The following SMIM20 variants were observed in gnomAD, a reference collection of about 807,000 sequenced individuals.
The protein encoded by SMIM20 is mitochondrial translation regulation assembly intermediate of cytochrome c oxidase protein of 7 kDa.
SMIM20 carries 3 observed loss-of-function variants against 8.7 expected under a neutral mutation model. The ratio of observed to expected loss-of-function variants is 0.34; its 90% CI spans 0.16 to 0.89. The LOEUF is 0.89. Among genes scored for constraint, SMIM20 ranks in the 40% least tolerant of loss-of-function variants. The pLI is 0.49. For synonymous variants in SMIM20, 44 were observed against 33.6 expected (o/e 1.31, Z -1.07); for missense variants, 85 against 84.8 (o/e 1.00, Z -0.01).
At position 25,915,854 on chromosome 4, in the gene SMIM20, T is replaced by TGG. The variant is rs1267183562; in HGVS notation, c.109+1435_109+1436dup. On this transcript the variant is annotated intron_variant, in intron 1 of 2. Transcript: ENST00000506197. ...CATTTTTGCTTGTCACAACTTGGGATGGGGCGGGGGGGGGGTCGAGTGTTG... is the reference window on the plus strand; with the variant it reads ...CATTTTTGCTTGTCACAACTTGGGATGGGGGGCGGGGGGGGGGTCGAGTGTTG... Among the ~76,000 whole-genome samples the TGG allele has an allele frequency of 9.5e-4, 18 of 18,938 alleles. 1 individual carries two copies. Among genetic ancestry groups the TGG allele is most frequent in the East Asian group, 5.0e-3 (2 of 398 alleles). The allele number at this position is 18,938 out of a possible 152,430, so 12.4% of individuals were successfully genotyped here.
chr4:25,914,954 A>G (rs1218919420), intron 1 of SMIM20, among the ~76,000 whole-genome samples: 2 of 152,136 alleles, frequency 1.3e-5, no homozygotes, highest in East Asian at 3.9e-4. Context: ...GCCTCCTCCA[A>G]GCACCCAGGC....
chr4:25,921,396 A>G (rs992344320), intron 1 of SMIM20, among the ~76,000 whole-genome samples: 6 of 152,198 alleles, frequency 3.9e-5, no homozygotes, highest in Non-Finnish European at 7.3e-5. Flanking sequence ...AGTAAACTCT[A>G]CAGGGGTCTG....
rs1223288586 is a variant in SMIM20, at chr4:25,914,273, C to T, written c.-41C>T. The T allele has an allele frequency of 3.3e-6, 5 of 1,530,308 alleles. No individual in the cohort carries two copies. Among genetic ancestry groups the T allele is most frequent in the Non-Finnish European group, 4.4e-6 (5 of 1,133,948 alleles). 94.8% of individuals were successfully genotyped at this position (1,530,308 alleles called of 1,614,324 possible). A position where few individuals can be genotyped will look rare whatever the true frequency, so the allele number is the denominator to read the frequency against. On this transcript the variant is annotated 5_prime_UTR_variant, in exon 1 of 3. Transcript: ENST00000506197. ...GTCGGTAACCTGGTTTCCGAGAGTGCCGGGCGGTCGGCGGGTCAGGGCAGC... is the reference window on the plus strand; with the variant it reads ...GTCGGTAACCTGGTTTCCGAGAGTGTCGGGCGGTCGGCGGGTCAGGGCAGC...
At chr4:25,917,765 G>A (rs1257497382) in intron 1 of SMIM20, among the ~76,000 whole-genome samples, 1 of 152,050 alleles carries the variant, frequency 6.6e-6, no homozygotes, top group African/African-American at 2.4e-5. Context: ...TGCTTCCATT[G>A]TGTCCCACCT....
Position 25,928,267 on chromosome 4 carries a change from T to TC in SMIM20, c.110-42dup, listed in dbSNP as rs779984907. 45 of 1,534,400 alleles carry TC rather than the reference T, an allele frequency of 2.9e-5. No homozygotes were observed. The African/African-American group carries it at 6.0e-4, about 20-fold the overall frequency. On this transcript the variant is annotated intron_variant, in intron 1 of 2. Coordinates refer to ENST00000506197, the MANE Select transcript of SMIM20 (RefSeq NM_001145432.3). ...CCATGTAAATACAAATATTTCTCTC[T>TC]CCCCGCCCCCCTTCTAAAGAATGAT...
chr4:25,919,376 T>C (rs1719157105), intron 1 of SMIM20, among the ~76,000 whole-genome samples: 1 of 152,038 alleles, frequency 6.6e-6, no homozygotes. Flanking sequence ...TCTTGCTCTG[T>C]CACCAGATTG....
intron 2 of SMIM20, among the ~76,000 whole-genome samples, chr4:25,928,585 G>T (rs1577363054): frequency 1.3e-5 from 2 of 152,330 alleles, no homozygotes; most frequent in East Asian, 3.9e-4. Flanking sequence ...TTGCACGTTT[G>T]CCAGGTTCCT....
chr4:25,925,775 T>C (rs1409344107), intron 1 of SMIM20, among the ~76,000 whole-genome samples: 1 of 152,216 alleles, frequency 6.6e-6, no homozygotes. Flanking sequence ...TATTTTCCGG[T>C]GTGGACATTT....
At chr4:25,915,689 G>A (rs559771639) in intron 1 of SMIM20, among the ~76,000 whole-genome samples, 1 of 152,248 alleles carries the variant, frequency 6.6e-6, no homozygotes, top group Admixed American at 6.5e-5. Flanking sequence ...GCCTGCCCCA[G>A]CGATTATATT....
chr4:25,925,207 A>C (rs1719267341), intron 1 of SMIM20, among the ~76,000 whole-genome samples: 1 of 152,178 alleles, frequency 6.6e-6, no homozygotes, highest in African/African-American at 2.4e-5. Context: ...TCACAATTCA[A>C]GTTGTGAGTT....
intron 1 of SMIM20, 127 bp downstream of exon 1, chr4:25,914,549 GC>G: frequency 1.1e-6 from 1 of 884,968 alleles, no homozygotes; most frequent in Non-Finnish European, 1.6e-6. Flanking sequence ...TTCGAATCCT[GC>G]CATGTGCAGC....
Position 25,914,351 on chromosome 4 carries a change from G to C in SMIM20, c.38G>C (p.Gly13Ala). 6.4e-7 allele frequency: 1 copy of C among 1,550,552 alleles called. No individual in the cohort carries two copies. Among genetic ancestry groups the C allele is most frequent in the Non-Finnish European group, 8.7e-7 (1 of 1,146,268 alleles). Residue 13 changes from glycine to alanine, a missense_variant, in exon 1 of 3, where the codon GGC becomes GCC. By Grantham distance (60) the Gly-to-Ala change is moderately conservative. Transcript: ENST00000506197. ...RNLRTALIFG[G>A]FISLIGAAFY... Reference sequence around the variant, plus strand: ...CTGCGCACCGCGCTCATTTTCGGCGGCTTCATCTCCCTGATCGGCGCCGCC... The same window carrying C: ...CTGCGCACCGCGCTCATTTTCGGCGCCTTCATCTCCCTGATCGGCGCCGCC...
chr4:25,928,793 G>A (rs182994238), intron 2 of SMIM20, among the ~76,000 whole-genome samples: 1 of 152,334 alleles, frequency 6.6e-6, no homozygotes. Context: ...TCCCTTTATG[G>A]CTGAATGGTT....
In SMIM20 at chr4:25,929,328, T is replaced by C; in HGVS notation, c.*137T>C. The C allele has an allele frequency of 6.2e-6, 5 of 806,504 alleles. No individual in the cohort carries two copies. In the South Asian group the frequency reaches 9.7e-5, roughly 16 times the overall value. The allele number at this position is 806,504 out of a possible 1,614,324, so 50.0% of individuals were successfully genotyped here. A position where few individuals can be genotyped will look rare whatever the true frequency, so the allele number is the denominator to read the frequency against. On this transcript the variant is annotated 3_prime_UTR_variant, in exon 3 of 3. Coordinates refer to ENST00000506197, the MANE Select transcript of SMIM20 (RefSeq NM_001145432.3). Reference sequence around the variant, plus strand: ...GTAATACCATAAATAAGAGTGCTTGTAATAAAAGACTGTGCACAAGGATTA... The same window carrying C: ...GTAATACCATAAATAAGAGTGCTTGCAATAAAAGACTGTGCACAAGGATTA...
intron 1 of SMIM20, among the ~76,000 whole-genome samples, chr4:25,926,664 C>T (rs1199747762): frequency 6.6e-6 from 1 of 152,262 alleles, no homozygotes; most frequent in African/African-American, 2.4e-5. Flanking sequence ...TCCTTTGATG[C>T]TTGGCAGTCT....
intron 2 of SMIM20, among the ~76,000 whole-genome samples, 175 bp downstream of exon 2, chr4:25,928,544 G>A (rs527992182): frequency 9.2e-5 from 14 of 152,296 alleles, no homozygotes; most frequent in South Asian, 2.1e-4. Flanking sequence ...CACCCAAGGC[G>A]TCATTCTAAT....
chr4:25,920,233 AT>A (rs1719172599), intron 1 of SMIM20, among the ~76,000 whole-genome samples: 1 of 152,112 alleles, frequency 6.6e-6, no homozygotes, highest in Admixed American at 6.6e-5. Context: ...GCTGTATCAT[AT>A]TTTGGCCCGC....
chr4:25,914,849 G>A (rs1326854230), intron 1 of SMIM20, among the ~76,000 whole-genome samples: 1 of 152,160 alleles, frequency 6.6e-6, no homozygotes, highest in Non-Finnish European at 1.5e-5. Context: ...TACAAATGAG[G>A]GAACTGAGAG....
In SMIM20 at chr4:25,917,951, T is replaced by G. The variant is rs996784329; in HGVS notation, c.109+3529T>G. Reference sequence around the variant, plus strand: ...CAGGTCAGTTTTTTTTTTTTGTTTTTTTTTTTTTTGAGACAGAGTCTCGCT... The same window carrying G: ...CAGGTCAGTTTTTTTTTTTTGTTTTGTTTTTTTTTGAGACAGAGTCTCGCT... On this transcript the variant is annotated intron_variant, in intron 1 of 2. Coordinates refer to ENST00000506197, the MANE Select transcript of SMIM20 (RefSeq NM_001145432.3). Among the ~76,000 whole-genome samples, 9 of 150,082 alleles carry G rather than the reference T, an allele frequency of 6.0e-5. No homozygotes were observed. In the South Asian group the frequency reaches 6.3e-4, roughly 10 times the overall value.
Sources: allele counts gnomAD v4.1 joint callset (sites outside exome capture counted in the v4.1 genomes callset), GRCh38; gene constraint gnomAD v4.1.1; transcripts MANE v1.5; gene names NCBI Gene and HGNC (gene_info 2026-07-23, HGNC 2026-07-21).